The following JAKMIP3 variants were observed in gnomAD, a reference collection of about 807,000 sequenced individuals.
JAKMIP3 encodes the protein Janus kinase and microtubule interacting protein 3, also known as janus kinase and microtubule-interacting protein 3.
In JAKMIP3, 58 loss-of-function variants were observed where a neutral mutation model predicts 118.5. The ratio of observed to expected loss-of-function variants is 0.49; its 90% CI spans 0.40 to 0.61. The LOEUF (loss-of-function observed/expected upper bound fraction) is 0.61, where lower values mean the gene tolerates loss of function less well. Among genes scored for constraint, JAKMIP3 ranks in the 20% least tolerant of loss-of-function variants. The pLI, the probability that JAKMIP3 is intolerant of heterozygous loss-of-function variation, is 0.00. For missense variants in JAKMIP3, 950 were observed against 1,109.0 expected, an observed-to-expected ratio of 0.86 and a Z score of 2.04; for synonymous variants, 486 against 451.2, an observed-to-expected ratio of 1.08 and a Z score of -0.98.
At chr10:132,135,305 C>G in intron 5 of JAKMIP3, 145 bp downstream of exon 5, 1 of 831,390 alleles carries the variant, frequency 1.2e-6, no homozygotes, top group Non-Finnish European at 1.8e-6. Flanking sequence ...TGACTGTGTT[C>G]CAGTTGAACT....
intron 1 of JAKMIP3, among the ~76,000 whole-genome samples, chr10:132,089,836 T>G (rs1477949104): frequency 6.6e-6 from 1 of 152,190 alleles, no homozygotes; most frequent in Non-Finnish European, 1.5e-5. Context: ...TATGATATTG[T>G]CTGTGGGTTT....
intron 1 of JAKMIP3, among the ~76,000 whole-genome samples, chr10:132,052,221 G>C (rs1216288885): frequency 6.6e-6 from 1 of 152,160 alleles, no homozygotes; most frequent in African/African-American, 2.4e-5. Flanking sequence ...GTGAGACCCT[G>C]TCTCAACAAC....
chr10:132,156,187 A>G (rs1261414970), intron 19 of JAKMIP3, among the ~76,000 whole-genome samples: 17 of 152,154 alleles, frequency 1.1e-4, no homozygotes, highest in Admixed American at 1.1e-3. Context: ...CAGGTCCTGC[A>G]GGCTCCAGGC....
rs540770933 is a variant in JAKMIP3 at position 132,115,361 on chromosome 10, C to T, written c.136-1716C>T. Among the ~76,000 whole-genome samples the T allele has an allele frequency of 5.3e-5, 8 of 152,286 alleles. No individual in the cohort carries two copies. The South Asian group carries it at 1.7e-3, about 32-fold the overall frequency. ...TGTGATCAGAGGGGGACTCTGGGCC[C>T]CTGCTACCGATGGGCTGGGATCCCA... On this transcript the variant is annotated intron_variant, in intron 2 of 23. Transcript: ENST00000684848.
intron 2 of JAKMIP3, among the ~76,000 whole-genome samples, chr10:132,106,462 C>G (rs1486400513): frequency 6.6e-6 from 1 of 152,198 alleles, no homozygotes; most frequent in Non-Finnish European, 1.5e-5. Flanking sequence ...CGTTCCTCCC[C>G]CTCCTGCCAT....
chr10:132,149,376 A>AG, intron 14 of JAKMIP3, 36 bp from the exon 15 acceptor site: 3 of 1,372,796 alleles, frequency 2.2e-6, no homozygotes, highest in South Asian at 1.3e-5. Flanking sequence ...AAGGGATGGG[A>AG]GGGGAGCGGC....
rs2060496054 is a variant in JAKMIP3 at position 132,179,490 on chromosome 10, G to A, written c.*1104-2867G>A. Among the ~76,000 whole-genome samples, 1 of 152,178 alleles carries A rather than the reference G, an allele frequency of 6.6e-6. No individual in the cohort carries two copies. Among genetic ancestry groups the A allele is most frequent in the Non-Finnish European group, 1.5e-5 (1 of 68,040 alleles). On this transcript the variant is annotated intron_variant, in intron 23 of 23. Transcript: ENST00000684848. The surrounding 1 kb of genome is among the most constrained non-coding windows in gnomAD (Gnocchi z 4.3). Reference sequence around the variant, plus strand: ...GGGTTTCTCCCGCGGAACCCTTACTGTGGCACTGATACACTCACATAAACA... The same window carrying A: ...GGGTTTCTCCCGCGGAACCCTTACTATGGCACTGATACACTCACATAAACA...
chr10:132,085,372 C>G (rs1049984188), intron 1 of JAKMIP3, among the ~76,000 whole-genome samples: 3 of 152,214 alleles, frequency 2.0e-5, no homozygotes, highest in South Asian at 2.1e-4. Context: ...TTTTTAGTAG[C>G]CTTGAATGAT....
Position 132,135,103 on chromosome 10 carries a change from G to A in JAKMIP3, c.912G>A (p.Ala304=), listed in dbSNP as rs373775904. ...AGCTTAAAATCGCGGAGTTAAGTGC[G>A]ATTATCCGCAAACTGGAGGACCGCA... The part of the protein sequence containing the change: ...RFQLKIAELS[A]IIRKLEDRNA... Residue 304 remains alanine (A), a synonymous_variant, in exon 5 of 24, where the codon GCG becomes GCA. Transcript: ENST00000684848. The A allele has an allele frequency of 2.2e-4, 360 of 1,613,388 alleles. No individual in the cohort carries two copies. Among genetic ancestry groups the A allele is most frequent in the Non-Finnish European group, 2.8e-4 (328 of 1,179,550 alleles).
At chr10:132,092,166 G>T (rs1198211763) in intron 1 of JAKMIP3, among the ~76,000 whole-genome samples, 1 of 152,128 alleles carries the variant, frequency 6.6e-6, no homozygotes, top group African/African-American at 2.4e-5. Context: ...CCCTTTGTGG[G>T]TAACCCGACC....
rs562745664 is a variant in JAKMIP3 at position 132,158,949 on chromosome 10, G to T, written c.2221-4260G>T. Among the ~76,000 whole-genome samples the T allele has an allele frequency of 3.0e-4, 27 of 88,746 alleles. 2 individuals carry two copies. Among genetic ancestry groups the T allele is most frequent in the African/African-American group, 1.3e-3 (24 of 18,110 alleles). 58.2% of individuals were successfully genotyped at this position (88,746 alleles called of 152,430 possible). On this transcript the variant is annotated intron_variant, in intron 19 of 23. Transcript: ENST00000684848. The stretch of plus-strand genomic sequence containing the variant: ...CTTCCTTTGTGATGCTGGGGGGGGG[G>T]ACCTCTCGCTGTGTGATGCTGGGGG...
At chr10:132,100,614 C>CG (rs201425190) in intron 1 of JAKMIP3, among the ~76,000 whole-genome samples, 290 of 152,274 alleles carry the variant, frequency 1.9e-3, no homozygotes, top group Non-Finnish European at 3.0e-3. Flanking sequence ...GGCCACGCCC[C>CG]CCCAGCAGCT....
chr10:132,068,424 A>C (rs1249230155), intron 1 of JAKMIP3, among the ~76,000 whole-genome samples: 1 of 152,206 alleles, frequency 6.6e-6, no homozygotes, highest in Non-Finnish European at 1.5e-5. Flanking sequence ...CTAGCCACTG[A>C]GATGACTCTT....
rs1346430945 is a variant in JAKMIP3 at position 132,097,999 on chromosome 10, TTC to T, written c.-137-6672_-137-6671del. On this transcript the variant is annotated intron_variant, in intron 1 of 23. Coordinates refer to ENST00000684848, the MANE Select transcript of JAKMIP3 (RefSeq NM_001323087.2). ...TCTCCCCTTCCCCTTCCCCTTCCCC[TTC>T]CCCTCCTTCCTTTTTTTTTTCTTTC... Among the ~76,000 whole-genome samples, 12 of 125,888 alleles carry T rather than the reference TTC, an allele frequency of 9.5e-5. 2 individuals carry two copies. The highest frequency in any genetic ancestry group is 3.4e-4 in the South Asian group (1 of 2,952). The allele number at this position is 125,888 out of a possible 152,430, so 82.6% of individuals were successfully genotyped here.
At position 132,152,998 on chromosome 10, in the gene JAKMIP3, G is replaced by A. The variant is rs1050319995; in HGVS notation, c.2048G>A (p.Arg683Lys). 9 of 1,609,264 alleles carry A rather than the reference G, an allele frequency of 5.6e-6. No individual in the cohort carries two copies. Among genetic ancestry groups the A allele is most frequent in the South Asian group, 1.1e-5 (1 of 89,766 alleles). ...NEEQVVVIQA[R>K]TVLTLAEKWL... Reference sequence around the variant, plus strand: ...GAGCAGGTGGTTGTCATACAAGCCAGGACAGTCCTGACCTTGGCCGAAAAG... The same window carrying A: ...GAGCAGGTGGTTGTCATACAAGCCAAGACAGTCCTGACCTTGGCCGAAAAG... The change falls in exon 17 of 24, where the codon AGG becomes AAG. Residue 683 changes from arginine to lysine, a missense_variant. Arg to Lys is a conservative substitution (Grantham distance 26). Coordinates refer to ENST00000684848, the MANE Select transcript of JAKMIP3 (RefSeq NM_001323087.2).
At chr10:132,153,327 C>G (rs574090193) in intron 17 of JAKMIP3, among the ~76,000 whole-genome samples, 3 of 152,226 alleles carry the variant, frequency 2.0e-5, no homozygotes, top group Admixed American at 6.5e-5. Flanking sequence ...ACCCTGACCC[C>G]CTTCTGGGGC....
upstream of JAKMIP3, among the ~76,000 whole-genome samples, chr10:132,062,051 G>A (rs1003095205): frequency 7.2e-5 from 11 of 152,136 alleles, no homozygotes; most frequent in African/African-American, 1.4e-4. Flanking sequence ...AAGGGGGGCC[G>A]GGTGAGCCCA....
intron 1 of JAKMIP3, among the ~76,000 whole-genome samples, chr10:132,098,843 G>A (rs918109267): frequency 6.6e-6 from 1 of 152,238 alleles, no homozygotes; most frequent in Admixed American, 6.5e-5. Flanking sequence ...CAGGAGCCGG[G>A]GGTGAAGTCC....
rs28484989 is a variant in JAKMIP3, at chr10:132,180,628, T to C, written c.*1104-1729T>C. Among the ~76,000 whole-genome samples the C allele has an allele frequency of 4.9e-3, 159 of 32,700 alleles. 17 individuals carry two copies. In the East Asian group the frequency reaches 0.049, roughly 10 times the overall value. The allele number at this position is 32,700 out of a possible 152,430, so 21.5% of individuals were successfully genotyped here. The stretch of plus-strand genomic sequence containing the variant: ...GCGTGTGTGTGTGCGTGTGTGTGCG[T>C]GTGTGCGTGCGTGTGTGCGTGTGCG... On this transcript the variant is annotated intron_variant, in intron 23 of 23. Coordinates refer to ENST00000684848, the MANE Select transcript of JAKMIP3 (RefSeq NM_001323087.2).
Sources: allele counts gnomAD v4.1 joint callset (sites outside exome capture counted in the v4.1 genomes callset), GRCh38; gene constraint gnomAD v4.1.1; non-coding constraint Gnocchi (gnomAD v3.1); transcripts MANE v1.5; gene names NCBI Gene and HGNC (gene_info 2026-07-23, HGNC 2026-07-21).